DENND4A: variants seen among roughly 807,000 people sequenced by gnomAD.
DENND4A encodes DENN domain containing 4A.
In DENND4A, 70 loss-of-function variants were observed where a neutral mutation model predicts 199.3. The observed-to-expected ratio is 0.35, with a 90% confidence interval of 0.29 to 0.43. The LOEUF (loss-of-function observed/expected upper bound fraction) is 0.43, where lower values mean the gene tolerates loss of function less well. DENND4A is among the 20% of genes least tolerant of loss of function. The pLI, the probability that DENND4A is intolerant of heterozygous loss-of-function variation, is 1.00. For synonymous variants in DENND4A, 686 were observed against 766.9 expected, an observed-to-expected ratio of 0.89 and a Z score of 1.74; for missense variants, 1,723 against 2,255.8, an observed-to-expected ratio of 0.76 and a Z score of 4.78.
At position 65,701,147 on chromosome 15, in the gene DENND4A, A is replaced by G; in HGVS notation, c.2605T>C (p.Phe869Leu). ...ACATTTCTTACTTTTGTCCAAAGAA[A>G]ATAGCCACTACGACTTCTTGAAGGC... ...TWPSRSRSGY[F>L]LWTKVRNVVL... The change falls in exon 19 of 33, where the codon TTT (phenylalanine) becomes CTT (leucine). Residue 869 changes from phenylalanine (F) to leucine (L), a missense_variant. Phe to Leu is a conservative substitution (Grantham distance 22). Transcript: ENST00000443035. The G allele has an allele frequency of 6.2e-7, 1 of 1,610,052 alleles. No individual in the cohort carries two copies. Among genetic ancestry groups the G allele is most frequent in the South Asian group, 1.1e-5 (1 of 90,078 alleles).
chr15:65,711,982 G>A (rs1022893322), intron 14 of DENND4A, among the ~76,000 whole-genome samples: 1 of 152,072 alleles, frequency 6.6e-6, no homozygotes, highest in African/African-American at 2.4e-5. Flanking sequence ...AATTTAACAC[G>A]TATTTATAGC....
In DENND4A at chr15:65,729,663, T is replaced by G; in HGVS notation, c.1182A>C (p.Ser394=). 6.4e-7 allele frequency: 1 copy of G among 1,551,640 alleles called. No homozygotes were observed. Among genetic ancestry groups the G allele is most frequent in the Non-Finnish European group, 8.7e-7 (1 of 1,147,444 alleles). Residue 394 remains serine, a synonymous_variant, in exon 10 of 33, where the codon TCA becomes TCC. Coordinates refer to ENST00000443035, the MANE Select transcript of DENND4A (RefSeq NM_001320835.1). ...SPLPLSGGKF[S]TLLQNLGPEN... ...CAGGGCCTAAATTCTGCAGTAGTGT[T>G]GAAAACTTGCCACCACTGTCAATCC...
At chr15:65,791,707 C>G (rs969994484) in intron 1 of DENND4A, among the ~76,000 whole-genome samples, 3 of 152,120 alleles carry the variant, frequency 2.0e-5, no homozygotes, top group East Asian at 3.9e-4. Context: ...TCCCCGCCCC[C>G]ACTCCCAAAT....
intron 23 of DENND4A, among the ~76,000 whole-genome samples, chr15:65,677,509 G>A (rs868398403): frequency 4.6e-5 from 7 of 152,072 alleles, no homozygotes; most frequent in Non-Finnish European, 8.8e-5. Flanking sequence ...GTGCCTGGCC[G>A]GGCTTTAACA....
intron 22 of DENND4A, among the ~76,000 whole-genome samples, chr15:65,693,443 A>G (rs2077041304): frequency 6.6e-6 from 1 of 152,138 alleles, no homozygotes; most frequent in Non-Finnish European, 1.5e-5. Flanking sequence ...TTTGAGAAAA[A>G]TAAACTGCAA....
chr15:65,748,017 G>C (rs866777795), intron 4 of DENND4A, among the ~76,000 whole-genome samples: 1 of 137,706 alleles, frequency 7.3e-6, no homozygotes, highest in South Asian at 2.3e-4. Context: ...TCCAGCCTGG[G>C]CGACAGAGCG....
intron 1 of DENND4A, among the ~76,000 whole-genome samples, chr15:65,786,541 G>GC (rs903547307): frequency 3.3e-5 from 5 of 151,630 alleles, no homozygotes; most frequent in Non-Finnish European, 5.9e-5. Flanking sequence ...ACCAGCCTAG[G>GC]CAACATGATG....
intron 19 of DENND4A, 45 bp downstream of exon 19, chr15:65,701,006 A>C: frequency 6.5e-7 from 1 of 1,547,242 alleles, no homozygotes; most frequent in Non-Finnish European, 8.7e-7. Flanking sequence ...AACTGTAGCT[A>C]ATCAATTAAT....
chr15:65,763,272 A>G (rs1000196732), intron 1 of DENND4A, among the ~76,000 whole-genome samples: 1 of 152,184 alleles, frequency 6.6e-6, no homozygotes, highest in Non-Finnish European at 1.5e-5. Flanking sequence ...ATATCTACTA[A>G]CAACCAGGAA....
chr15:65,736,816 C>A (rs78729693), intron 7 of DENND4A, among the ~76,000 whole-genome samples: 5,896 of 152,142 alleles, frequency 0.039, 390 homozygotes, highest in African/African-American at 0.14. Flanking sequence ...TATGGAAGCC[C>A]AGCTATGTTT....
At chr15:65,743,249 A>G (rs1012547433) in intron 4 of DENND4A, among the ~76,000 whole-genome samples, 2 of 152,160 alleles carry the variant, frequency 1.3e-5, no homozygotes, top group Non-Finnish European at 2.9e-5. Context: ...ACAATCACCT[A>G]AAGGCCCTAA....
chr15:65,679,854 G>A lies in DENND4A; in HGVS notation c.4180-3220C>T, dbSNP rs560466970. The stretch of plus-strand genomic sequence containing the variant: ...GTAATTGGAAGAGAATGTACAGGGC[G>A]ACCAAACAAAGGAAGGTTTTACTTT... On this transcript the variant is annotated intron_variant, in intron 23 of 32. Transcript: ENST00000443035. Among the ~76,000 whole-genome samples, 24 of 152,202 alleles carry A rather than the reference G, an allele frequency of 1.6e-4. No individual in the cohort carries two copies. The East Asian group carries it at 3.7e-3, about 23-fold the overall frequency.
chr15:65,683,253 T>C (rs1364362612), intron 23 of DENND4A, among the ~76,000 whole-genome samples: 1 of 152,242 alleles, frequency 6.6e-6, no homozygotes, highest in Non-Finnish European at 1.5e-5. Flanking sequence ...GGTGGGATCT[T>C]TCTGATATTA....
intron 14 of DENND4A, among the ~76,000 whole-genome samples, chr15:65,706,957 G>A (rs2075084247): frequency 1.3e-5 from 2 of 152,200 alleles, no homozygotes; most frequent in South Asian, 2.1e-4. Flanking sequence ...CAAATGTTTT[G>A]CATTTGAATC....
intron 2 of DENND4A, 108 bp downstream of exon 2, chr15:65,761,252 G>A (rs1214475461): frequency 6.6e-6 from 1 of 152,142 alleles, no homozygotes; most frequent in Non-Finnish European, 1.5e-5. Context: ...ATTACATGGA[G>A]AATATATTCC....
At chr15:65,698,143 A>T (rs1370851275) in intron 20 of DENND4A, among the ~76,000 whole-genome samples, 1 of 151,868 alleles carries the variant, frequency 6.6e-6, no homozygotes, top group South Asian at 2.1e-4. Context: ...ACCTATAGAC[A>T]CTTCTTGGGA....
In DENND4A at chr15:65,690,600, T is replaced by G; in HGVS notation, c.3994A>C (p.Thr1332Pro). 6.2e-7 allele frequency: 1 copy of G among 1,613,636 alleles called. No individual in the cohort carries two copies. The highest frequency in any genetic ancestry group is 8.5e-7 in the Non-Finnish European group (1 of 1,179,706). ...RLWSSPAFSP[T>P]CPFREESQDT... ...TGAGATTCTTCCCTAAATGGGCAAG[T>G]AGGTGAGAAGGCTGGAGAAGACCAA... Residue 1332 changes from threonine (T) to proline (P), a missense_variant, in exon 23 of 33, where the codon ACT becomes CCT. Transcript: ENST00000443035.
chr15:65,771,433 G>A, intron 1 of DENND4A: 1 of 1,595,060 alleles, frequency 6.3e-7, no homozygotes, highest in Non-Finnish European at 8.6e-7. Context: ...CACCACCCAA[G>A]TTTTCTGTCT....
chr15:65,779,068 A>C (rs1208573552), intron 1 of DENND4A, among the ~76,000 whole-genome samples: 1 of 152,090 alleles, frequency 6.6e-6, no homozygotes, highest in Non-Finnish European at 1.5e-5. Context: ...ATTTGAGGCC[A>C]ACCTGGGAAA....
Sources: gnomAD v4.1 joint callset for allele counts (sites outside exome capture counted in the v4.1 genomes callset) on GRCh38, gnomAD v4.1.1 for gene constraint, MANE v1.5 for transcripts, NCBI Gene and HGNC (gene_info 2026-07-23, HGNC 2026-07-21) for gene names.